The following ITPR2 variants were observed in gnomAD, a reference collection of about 807,000 sequenced individuals.
ITPR2 encodes inositol 1,4,5-trisphosphate receptor type 2.
A neutral mutation model predicts 317.1 loss-of-function variants in ITPR2; 207 were observed. The ratio of observed to expected loss-of-function variants is 0.65; its 90% CI spans 0.58 to 0.73. The LOEUF is 0.73. Among genes scored for constraint, ITPR2 ranks in the 30% least tolerant of loss-of-function variants. The probability of loss-of-function intolerance (pLI) is 0.00; values close to 1 mark genes in which losing one functional copy is unlikely to be tolerated. For synonymous variants in ITPR2, 1,156 were observed against 1,149.1 expected, an observed-to-expected ratio of 1.01 and a Z score of -0.12; for missense variants, 2,613 against 3,284.0, an observed-to-expected ratio of 0.80 and a Z score of 4.99.
At chr12:26,781,989 C>CATATATATATAT (rs1565759400) in intron 2 of ITPR2, among the ~76,000 whole-genome samples, 1 of 73,582 alleles carries the variant, frequency 1.4e-5, no homozygotes, top group African/African-American at 5.8e-5. Context: ...AATAAACTCC[C>CATATATATATAT]CTGTATATAT....
At position 26,630,218 on chromosome 12, in the gene ITPR2, A is replaced by G. The variant is rs560366127; in HGVS notation, c.2934+1648T>C. On this transcript the variant is annotated intron_variant, in intron 22 of 56. Transcript: ENST00000381340. Reference sequence around the variant, plus strand: ...AAATGAAACTAACTTTCAGTTGACAATGTTTACATGCAGCATTGTATTCCA... The same window carrying G: ...AAATGAAACTAACTTTCAGTTGACAGTGTTTACATGCAGCATTGTATTCCA... Among the ~76,000 whole-genome samples, 4 of 152,324 alleles carry G rather than the reference A, an allele frequency of 2.6e-5. No individual in the cohort carries two copies. The East Asian group carries it at 7.7e-4, about 29-fold the overall frequency.
At chr12:26,769,036 A>G (rs1949793340) in intron 2 of ITPR2, among the ~76,000 whole-genome samples, 1 of 66,074 alleles carries the variant, frequency 1.5e-5, no homozygotes, top group Admixed American at 1.6e-4. Flanking sequence ...CCCCAATCTC[A>G]GCCACATAGT....
chr12:26,599,893 C>T (rs1945952755), intron 29 of ITPR2, 94 bp downstream of exon 29: 1 of 875,516 alleles, frequency 1.1e-6, no homozygotes, highest in African/African-American at 1.7e-5. Context: ...AAAAATGAAG[C>T]AAGGAAGTGT....
intron 5 of ITPR2, among the ~76,000 whole-genome samples, chr12:26,720,284 C>A (rs569438286): frequency 6.6e-6 from 1 of 152,264 alleles, no homozygotes; most frequent in Non-Finnish European, 1.5e-5. Context: ...GATGTTAAAA[C>A]CTCATCTTAA....
At chr12:26,508,234 T>C (rs1276780313) in intron 37 of ITPR2, among the ~76,000 whole-genome samples, 2 of 152,230 alleles carry the variant, frequency 1.3e-5, no homozygotes, top group Non-Finnish European at 2.9e-5. Context: ...GCCTTATTTA[T>C]GATTGATGGT....
chr12:26,618,826 T>C (rs1946429856), intron 26 of ITPR2, among the ~76,000 whole-genome samples: 1 of 147,338 alleles, frequency 6.8e-6, no homozygotes, highest in Non-Finnish European at 1.5e-5. Flanking sequence ...TTAGAGAAAA[T>C]GAATGAGTTG....
At chr12:26,791,529 C>A (rs1222827742) in intron 1 of ITPR2, among the ~76,000 whole-genome samples, 1 of 152,064 alleles carries the variant, frequency 6.6e-6, no homozygotes, top group African/African-American at 2.4e-5. Context: ...CCTAAATCAA[C>A]AGATTTTTCT....
intron 35 of ITPR2, among the ~76,000 whole-genome samples, chr12:26,561,480 A>G (rs2137028659): frequency 1.3e-5 from 2 of 152,340 alleles, no homozygotes; most frequent in South Asian, 4.1e-4. Context: ...TAGTTGATTT[A>G]CCAGTGTTAT....
chr12:26,383,709 G>A (rs1591979472), intron 55 of ITPR2, among the ~76,000 whole-genome samples: 2 of 150,424 alleles, frequency 1.3e-5, no homozygotes, highest in East Asian at 3.9e-4. Context: ...CATTAGCCAG[G>A]ATGGTCTCAA....
At chr12:26,663,197 C>T (rs1001446306) in intron 15 of ITPR2, among the ~76,000 whole-genome samples, 56 of 152,326 alleles carry the variant, frequency 3.7e-4, no homozygotes, top group African/African-American at 1.3e-3. Context: ...CCAAAGGCTT[C>T]CTTCTCCAAG....
intron 38 of ITPR2, 58 bp downstream of exon 38, chr12:26,495,094 C>A (rs1269809306): frequency 5.7e-5 from 51 of 892,866 alleles, no homozygotes; most frequent in Non-Finnish European, 5.7e-6. Flanking sequence ...TAGAGTAACA[C>A]TGACATGAAG....
At position 26,495,192 on chromosome 12, in the gene ITPR2, T is replaced by A. The variant is rs1315015190; in HGVS notation, c.5142A>T (p.Gly1714=). ...TTTTGGAGTAGGCTCCTGATAGGTGTCCATTCACACCAATACTATAATCAC... is the reference window on the plus strand; with the variant it reads ...TTTTGGAGTAGGCTCCTGATAGGTGACCATTCACACCAATACTATAATCAC... ...FKGDYSIGVN[G]HLSGAYSKTA... The change falls in exon 38 of 57, where the codon GGA becomes GGT. Residue 1714 remains glycine (G), a synonymous_variant. Transcript: ENST00000381340. 7 of 1,609,580 alleles carry A rather than the reference T, an allele frequency of 4.3e-6. No homozygotes were observed. In the Admixed American group the frequency reaches 1.2e-4, roughly 27 times the overall value.
chr12:26,674,192 C>A (rs1164322067), intron 13 of ITPR2, among the ~76,000 whole-genome samples: 3 of 148,860 alleles, frequency 2.0e-5, no homozygotes, highest in Admixed American at 1.3e-4. Flanking sequence ...TTGGAAAAAA[C>A]TACTTTAAAG....
chr12:26,661,275 T>G (rs984388458), intron 15 of ITPR2, among the ~76,000 whole-genome samples: 1,605 of 8,726 alleles, frequency 0.18, 122 homozygotes, highest in East Asian at 0.46. Flanking sequence ...GGTGTGTGTG[T>G]GGGGGGGGGG....
At chr12:26,560,600 C>A (rs952646829) in intron 35 of ITPR2, among the ~76,000 whole-genome samples, 22 of 152,140 alleles carry the variant, frequency 1.4e-4, no homozygotes, top group African/African-American at 5.3e-4. Flanking sequence ...ATCTGCAACA[C>A]CTATTTCTTC....
intron 1 of ITPR2, among the ~76,000 whole-genome samples, chr12:26,824,157 C>T (rs1030538980): frequency 6.6e-6 from 1 of 152,184 alleles, no homozygotes; most frequent in Non-Finnish European, 1.5e-5. Flanking sequence ...TTAGCCTACA[C>T]TGGGCAAATA....
intron 40 of ITPR2, chr12:26,486,853 C>T (rs770711860): frequency 7.4e-6 from 5 of 678,136 alleles, no homozygotes; most frequent in African/African-American, 7.0e-5. Flanking sequence ...TCTTTCATGC[C>T]GTTGGTTGCT....
chr12:26,658,884 TGAG>T, intron 16 of ITPR2, among the ~76,000 whole-genome samples: 1 of 152,232 alleles, frequency 6.6e-6, no homozygotes, highest in East Asian at 1.9e-4. Flanking sequence ...TATAAAATCA[TGAG>T]GATTCAGAGT....
intron 1 of ITPR2, among the ~76,000 whole-genome samples, chr12:26,795,188 T>C (rs1047505943): frequency 2.6e-5 from 4 of 152,246 alleles, no homozygotes; most frequent in African/African-American, 9.6e-5. Flanking sequence ...AAGGAAAGGA[T>C]GAACTATTAA....
Sources: gnomAD v4.1 joint callset for allele counts (sites outside exome capture counted in the v4.1 genomes callset) on GRCh38, gnomAD v4.1.1 for gene constraint, MANE v1.5 for transcripts, NCBI Gene and HGNC (gene_info 2026-07-23, HGNC 2026-07-21) for gene names.